The following RNF123 variants were observed in gnomAD, a reference collection of about 807,000 sequenced individuals.
RNF123 encodes the protein E3 ubiquitin-protein ligase RNF123.
In RNF123, 86 loss-of-function variants were observed where a neutral mutation model predicts 168.5. The observed-to-expected ratio is 0.51, with a 90% CI of 0.43 to 0.61. The LOEUF is 0.61. RNF123 is among the 20% of genes least tolerant of loss of function. RNF123 has a pLI of 0.00. For synonymous variants in RNF123, 666 were observed against 689.1 expected (o/e 0.97, Z 0.52); for missense variants, 1,419 against 1,729.7 (o/e 0.82, Z 3.19).
At chr3:49,695,420 G>C (rs1358434076) in intron 3 of RNF123, among the ~76,000 whole-genome samples, 7 of 152,214 alleles carry the variant, frequency 4.6e-5, no homozygotes, top group Non-Finnish European at 7.3e-5. Context: ...TTTGAGGAAG[G>C]CTCCTTTATC....
chr3:49,712,587 G>T lies in RNF123; in HGVS notation c.2605G>T (p.Val869Leu), dbSNP rs748435020. ...CTTCATGCCCGAGTTCTACCTGAGC[G>T]TGGCCATCAACAGCTACAGTGCTCT... Reference protein sequence around the residue: ...FAFMPEFYLSVAINSYSALKN... With the variant: ...FAFMPEFYLSLAINSYSALKN... Residue 869 changes from valine (V) to leucine (L), a missense_variant, in exon 27 of 39, where the codon GTG becomes TTG. Around this residue, in one of 5 missense-constraint regions of RNF123, gnomAD observed 538 missense variants for 708.8 expected, o/e 0.76. Transcript: ENST00000327697. 2 of 1,614,220 alleles carry T rather than the reference G, an allele frequency of 1.2e-6. No homozygotes were observed. The highest frequency in any genetic ancestry group is 2.2e-5 in the South Asian group (2 of 91,084).
chr3:49,700,283 G>A lies in RNF123; in HGVS notation c.1041G>A (p.Glu347=). ...TGAGCTTCTTGCTGGGCATCGTGGA[G>A]AAGGGCACACCCACACAGGCACAGT... is the stretch of plus-strand genomic sequence containing the variant. ...VLMSFLLGIV[E]KGTPTQAQSV... is the part of the protein sequence containing the mutation. The change falls in exon 13 of 39, where the codon GAG becomes GAA. Residue 347 remains glutamate, a synonymous_variant. Coordinates refer to ENST00000327697, the MANE Select transcript of RNF123 (RefSeq NM_022064.5). 6.2e-7 allele frequency: 1 copy of A among 1,614,226 alleles called. No homozygotes were observed. Among genetic ancestry groups the A allele is most frequent in the Non-Finnish European group, 8.5e-7 (1 of 1,180,036 alleles).
chr3:49,707,127 C>G (rs920313196), intron 26 of RNF123, among the ~76,000 whole-genome samples: 2 of 152,176 alleles, frequency 1.3e-5, no homozygotes, highest in Admixed American at 6.5e-5. Flanking sequence ...TAGACCTGTC[C>G]TTCGAGGAAC....
rs767130938 is a variant in RNF123 at position 49,691,127 on chromosome 3, C to T, written c.-36-3C>T. 2.5e-6 allele frequency: 4 copies of T among 1,596,088 alleles called. No individual in the cohort carries two copies. Among genetic ancestry groups the T allele is most frequent in the Admixed American group, 1.7e-5 (1 of 59,702 alleles). ...GAGTAGACAGGCTCTGTGTCTGGCTCAGCCCCCAGGACCACTGGCTGCCCA... is the reference window on the plus strand; with the variant it reads ...GAGTAGACAGGCTCTGTGTCTGGCTTAGCCCCCAGGACCACTGGCTGCCCA... On this transcript the variant is annotated splice_region_variant and splice_polypyrimidine_tract_variant and intron_variant, in intron 1 of 38. Coordinates refer to ENST00000327697, the MANE Select transcript of RNF123 (RefSeq NM_022064.5).
In RNF123 at chr3:49,703,436, T is replaced by A. The variant is rs764650235; in HGVS notation, c.1760T>A (p.Ile587Asn). Residue 587 changes from isoleucine to asparagine, a missense_variant, in exon 21 of 39, where the codon ATC (isoleucine) becomes AAC (asparagine). Coordinates refer to ENST00000327697, the MANE Select transcript of RNF123 (RefSeq NM_022064.5). ...CCTCAATTCCTCGCAGAGGCCTACA[T>A]CCCGCCCCAGGTCTTCTATAATGGC... Reference protein sequence around the residue: ...PHASFSEEAYIPPQVFYNGKV... With the variant: ...PHASFSEEAYNPPQVFYNGKV... The A allele has an allele frequency of 1.2e-6, 2 of 1,613,778 alleles. No individual in the cohort carries two copies. Among genetic ancestry groups the A allele is most frequent in the Admixed American group, 3.3e-5 (2 of 59,980 alleles).
At position 49,712,498 on chromosome 3, in the gene RNF123, A is replaced by C; in HGVS notation, c.2516A>C (p.Tyr839Ser). 1.9e-6 allele frequency: 3 copies of C among 1,614,034 alleles called. No individual in the cohort carries two copies. The highest frequency in any genetic ancestry group is 2.5e-6 in the Non-Finnish European group (3 of 1,180,034). Residue 839 changes from tyrosine (Y) to serine (S), a missense_variant, in exon 27 of 39, where the codon TAC becomes TCC. Coordinates refer to ENST00000327697, the MANE Select transcript of RNF123 (RefSeq NM_022064.5). ...CTGCAGGAGAAGATGCTGGACATCT[A>C]CTGGCTGCTGCGCGTCTGCCTGCGG... ...VYSQEKMLDIYWLLRVCLRTI... is the reference protein window; with the variant it reads ...VYSQEKMLDISWLLRVCLRTI...
intron 26 of RNF123, among the ~76,000 whole-genome samples, chr3:49,707,996 G>GT (rs979599989): frequency 6.6e-5 from 10 of 151,680 alleles, no homozygotes; most frequent in Admixed American, 2.0e-4. Flanking sequence ...TTTGTTTTGT[G>GT]TTTTTTTTGA....
At chr3:49,697,252 G>A (rs114148721) in intron 4 of RNF123, 30 bp downstream of exon 4, 1 of 1,608,716 alleles carries the variant, frequency 6.2e-7, no homozygotes, top group Admixed American at 1.7e-5. Context: ...GTGGGGTTGG[G>A]AGGTGCAGAG....
chr3:49,704,061 TTG>T (rs1452234347), intron 21 of RNF123, among the ~76,000 whole-genome samples: 1 of 151,324 alleles, frequency 6.6e-6, no homozygotes. Flanking sequence ...CTGCCAGAGG[TTG>T]TGTGGATGGG....
intron 21 of RNF123, among the ~76,000 whole-genome samples, chr3:49,704,069 A>T (rs921186505): frequency 7.2e-5 from 11 of 152,156 alleles, no homozygotes; most frequent in Admixed American, 7.2e-4. Flanking sequence ...GGTTGTGTGG[A>T]TGGGGTGCCA....
At position 49,712,638 on chromosome 3, in the gene RNF123, A is replaced by G. The variant is rs2080165440; in HGVS notation, c.2656A>G (p.Ser886Gly). ...ALKNYFGPVH[S>G]MEELPGYEET... ...CAAGAATTACTTTGGTCCCGTGCAC[A>G]GCATGGAGGAGCTCCCAGGTGATGG... The change falls in exon 27 of 39, where the codon AGC becomes GGC. Residue 886 changes from serine (S) to glycine (G), a missense_variant. Physicochemically the swap from Ser to Gly is moderately conservative, Grantham distance 56 (BLOSUM62 0). Transcript: ENST00000327697. 1 of 1,614,190 alleles carries G rather than the reference A, an allele frequency of 6.2e-7. No individual in the cohort carries two copies. The highest frequency in any genetic ancestry group is 8.5e-7 in the Non-Finnish European group (1 of 1,180,034).
At position 49,699,427 on chromosome 3, in the gene RNF123, T is replaced by A. The variant is rs1046355703; in HGVS notation, c.765-41T>A. On this transcript the variant is annotated intron_variant, in intron 10 of 38. Transcript: ENST00000327697. The surrounding 1 kb of genome is among the most constrained non-coding windows in gnomAD (Gnocchi z 4.8). ...GGGCAGTGGAGAGGGAGTAGGCATG[T>A]CTGAGCCACAGATAAGGCGTTGCTG... 1 of 1,510,880 alleles carries A rather than the reference T, an allele frequency of 6.6e-7. No individual in the cohort carries two copies. Among genetic ancestry groups the A allele is most frequent in the African/African-American group, 1.4e-5 (1 of 72,524 alleles). The allele number at this position is 1,510,880 out of a possible 1,614,324, so 93.6% of individuals were successfully genotyped here. A position where few individuals can be genotyped will look rare whatever the true frequency, so the allele number is the denominator to read the frequency against.
In RNF123 at chr3:49,699,204, G is replaced by A. The variant is rs1046386635; in HGVS notation, c.764+99G>A. ...CAGGGGTGCCATGGGCTGGTGGCAG[G>A]CCCTGGCTGCTGCAGAGTTAGTGGG... On this transcript the variant is annotated intron_variant, in intron 10 of 38. Coordinates refer to ENST00000327697, the MANE Select transcript of RNF123 (RefSeq NM_022064.5). This position sits in a 1 kb window ranked among gnomAD's most constrained non-coding sequence, Gnocchi z 4.8. The A allele has an allele frequency of 1.2e-5, 18 of 1,462,394 alleles. No individual in the cohort carries two copies. The highest frequency in any genetic ancestry group is 2.3e-4 in the Middle Eastern group (1 of 4,370). 90.6% of individuals were successfully genotyped at this position (1,462,394 alleles called of 1,614,324 possible). A position where few individuals can be genotyped will look rare whatever the true frequency, so the allele number is the denominator to read the frequency against.
At chr3:49,701,397 G>A (rs1575525860) in intron 15 of RNF123, 94 bp from the exon 16 acceptor site, 5 of 926,118 alleles carry the variant, frequency 5.4e-6, no homozygotes, top group East Asian at 4.8e-5. Context: ...GAGAGCTGTG[G>A]TAGGCACATC....
At chr3:49,720,999 C>G in intron 37 of RNF123, 21 bp from the exon 38 acceptor site, 1 of 1,609,446 alleles carries the variant, frequency 6.2e-7, no homozygotes, top group African/African-American at 1.3e-5. Flanking sequence ...TCCAGCCCAC[C>G]CTTCACTCTC....
chr3:49,698,189 CCA>C (rs925087776), intron 7 of RNF123, 52 bp downstream of exon 7: 1 of 1,488,712 alleles, frequency 6.7e-7, no homozygotes, highest in Admixed American at 1.7e-5. Context: ...GCTTCTCCTG[CCA>C]CAGGCCTCAT....
chr3:49,709,362 G>A (rs1175642368), intron 26 of RNF123, among the ~76,000 whole-genome samples: 16 of 150,724 alleles, frequency 1.1e-4, no homozygotes, highest in South Asian at 8.4e-4. Context: ...GTGCAATGGC[G>A]CTATCTCAGC....
chr3:49,720,388 G>A (rs903839912), intron 35 of RNF123, 123 bp from the exon 36 acceptor site: 15 of 971,682 alleles, frequency 1.5e-5, no homozygotes, highest in Non-Finnish European at 1.9e-5. Flanking sequence ...GAAGCAGGGA[G>A]ACGGAAAGGA....
In RNF123 at chr3:49,701,930, G is replaced by T; in HGVS notation, c.1495+20G>T. On this transcript the variant is annotated intron_variant, in intron 17 of 38. Coordinates refer to ENST00000327697, the MANE Select transcript of RNF123 (RefSeq NM_022064.5). ...TCGAAGGTCAGCCCGCCTTGGGCAC[G>T]GGGTAGGGTGGGAGGTGTGTGTGTG... is the stretch of plus-strand genomic sequence containing the variant. 6.4e-7 allele frequency: 1 copy of T among 1,556,964 alleles called. No homozygotes were observed. Among genetic ancestry groups the T allele is most frequent in the Non-Finnish European group, 8.7e-7 (1 of 1,149,734 alleles).
Sources: gnomAD v4.1 joint callset for allele counts (sites outside exome capture counted in the v4.1 genomes callset) on GRCh38, gnomAD v4.1.1 for gene constraint, gnomAD v4.1.1 regional missense constraint, Gnocchi (gnomAD v3.1) non-coding constraint, MANE v1.5 for transcripts, NCBI Gene and HGNC (gene_info 2026-07-23, HGNC 2026-07-21) for gene names.